The following MTUS2 variants were observed in gnomAD, a reference collection of about 807,000 sequenced individuals.
MTUS2 encodes microtubule associated scaffold protein 2, also known as microtubule-associated tumor suppressor candidate 2.
A neutral mutation model predicts 114.1 loss-of-function variants in MTUS2; 40 were observed. The observed-to-expected ratio is 0.35, with a 90% confidence interval of 0.27 to 0.46. The LOEUF is 0.46. MTUS2 is among the 20% of genes least tolerant of loss of function. The probability of loss-of-function intolerance (pLI) is 1.00; values close to 1 mark genes in which losing one functional copy is unlikely to be tolerated. For synonymous variants in MTUS2, 688 were observed against 672.0 expected (o/e 1.02, Z -0.37); for missense variants, 1,679 against 1,705.4 (o/e 0.98, Z 0.27).
At chr13:29,035,915 T>C (rs914744784) in intron 4 of MTUS2, among the ~76,000 whole-genome samples, 1 of 151,650 alleles carries the variant, frequency 6.6e-6, no homozygotes, top group African/African-American at 2.4e-5. Context: ...GAGACTGAGG[T>C]GGACGGATCG....
At chr13:28,967,957 C>T (rs1038913901) in intron 2 of MTUS2, among the ~76,000 whole-genome samples, 2 of 152,176 alleles carry the variant, frequency 1.3e-5, no homozygotes, top group East Asian at 1.9e-4. Flanking sequence ...ATTTCAATAG[C>T]GTTTATTTTT....
intron 6 of MTUS2, among the ~76,000 whole-genome samples, chr13:29,282,587 T>C (rs947524255): frequency 4.6e-5 from 7 of 152,350 alleles, no homozygotes; most frequent in African/African-American, 1.7e-4. Context: ...GGGATGTTTG[T>C]GTATCTTGTT....
At chr13:29,268,615 C>T (rs1317133140) in intron 5 of MTUS2, among the ~76,000 whole-genome samples, 3 of 152,178 alleles carry the variant, frequency 2.0e-5, no homozygotes, top group African/African-American at 7.2e-5. Context: ...CCACAGCCCT[C>T]CATGGTGAGG....
intron 5 of MTUS2, among the ~76,000 whole-genome samples, chr13:29,127,370 A>G (rs966393029): frequency 2.0e-5 from 3 of 152,144 alleles, no homozygotes; most frequent in South Asian, 2.1e-4. Context: ...GTGAATCTAG[A>G]TGTTACCATG....
intron 7 of MTUS2, among the ~76,000 whole-genome samples, chr13:29,343,524 G>C (rs1002391814): frequency 2.0e-5 from 3 of 151,840 alleles, no homozygotes; most frequent in African/African-American, 7.3e-5. Context: ...TTCTAATCAG[G>C]TTTATTTGGA....
intron 8 of MTUS2, among the ~76,000 whole-genome samples, chr13:29,386,785 A>G (rs1872656884): frequency 6.6e-6 from 1 of 152,154 alleles, no homozygotes; most frequent in African/African-American, 2.4e-5. Context: ...TCTAAATAGC[A>G]GAGATTTTAG....
At chr13:28,927,668 T>G (rs73161855) in intron 2 of MTUS2, among the ~76,000 whole-genome samples, 12,777 of 152,232 alleles carry the variant, frequency 0.084, 604 homozygotes, top group South Asian at 0.13. Flanking sequence ...TAAGTAGAGA[T>G]AAAATTATTT....
intron 8 of MTUS2, among the ~76,000 whole-genome samples, chr13:29,411,983 G>T (rs1377987044): frequency 6.6e-6 from 1 of 152,074 alleles, no homozygotes; most frequent in Non-Finnish European, 1.5e-5. Flanking sequence ...ATTCACTGTT[G>T]ATTTTGTAGG....
intron 5 of MTUS2, among the ~76,000 whole-genome samples, chr13:29,108,646 T>C (rs1890764017): frequency 6.6e-6 from 1 of 152,168 alleles, no homozygotes; most frequent in Admixed American, 6.5e-5. Context: ...GACAGGATTA[T>C]GCACATAAAG....
chr13:29,479,245 C>T (rs1277106955), intron 9 of MTUS2, among the ~76,000 whole-genome samples: 8 of 152,154 alleles, frequency 5.3e-5, no homozygotes, highest in South Asian at 4.1e-4. Flanking sequence ...CTGTGTAGCT[C>T]GGCATTTGCA....
chr13:29,097,588 A>G (rs1890231812), intron 4 of MTUS2, among the ~76,000 whole-genome samples: 1 of 152,236 alleles, frequency 6.6e-6, no homozygotes, highest in Non-Finnish European at 1.5e-5. Context: ...GCCGTATAAC[A>G]AAGTACCATA....
intron 2 of MTUS2, among the ~76,000 whole-genome samples, chr13:28,898,538 C>T (rs532512628): frequency 4.6e-5 from 7 of 152,272 alleles, no homozygotes; most frequent in African/African-American, 1.4e-4. Context: ...TGATGAACTA[C>T]CGTATCCCTG....
chr13:29,488,531 C>T (rs1299393826), intron 11 of MTUS2, among the ~76,000 whole-genome samples: 1 of 149,164 alleles, frequency 6.7e-6, no homozygotes, highest in Non-Finnish European at 1.5e-5. Flanking sequence ...ACTTCTGCCT[C>T]CTGGGTTCAA....
At chr13:29,339,349 G>C (rs1218371638) in intron 7 of MTUS2, among the ~76,000 whole-genome samples, 1 of 152,164 alleles carries the variant, frequency 6.6e-6, no homozygotes, top group Non-Finnish European at 1.5e-5. Flanking sequence ...CATGTCTCCT[G>C]ATGGGCTTGA....
At chr13:28,830,892 A>C (rs967314330) in intron 1 of MTUS2, among the ~76,000 whole-genome samples, 1 of 152,212 alleles carries the variant, frequency 6.6e-6, no homozygotes, top group Non-Finnish European at 1.5e-5. Context: ...AAGACAAAAA[A>C]ACTGTCAATC....
At chr13:29,296,197 T>TTTTG (rs59082438) in intron 6 of MTUS2, among the ~76,000 whole-genome samples, 3,636 of 148,950 alleles carry the variant, frequency 0.024, 71 homozygotes, top group Non-Finnish European at 0.036. Flanking sequence ...ATTTTTAGGT[T>TTTTG]TTTGTTTGTT....
chr13:29,455,681 G>A (rs1986717), intron 9 of MTUS2, among the ~76,000 whole-genome samples: 10,744 of 152,188 alleles, frequency 0.071, 448 homozygotes, highest in African/African-American at 0.11. Flanking sequence ...AAAGTAGTCA[G>A]TAGAAATGGG....
In MTUS2 at chr13:29,290,312, G is replaced by A. The variant is rs886686953; in HGVS notation, c.2806+8447G>A. Among the ~76,000 whole-genome samples the A allele has an allele frequency of 2.0e-5, 3 of 151,806 alleles. No individual in the cohort carries two copies. The East Asian group carries it at 5.8e-4, about 29-fold the overall frequency. ...CCCTTTCCTGTAAGTGTCTCTGCTA[G>A]GAACATCTGTTTTTGTTTGTTTGTT... On this transcript the variant is annotated intron_variant, in intron 6 of 15. Transcript: ENST00000612955.
chr13:29,190,392 C>CG (rs1419218648), intron 5 of MTUS2, among the ~76,000 whole-genome samples: 1 of 152,214 alleles, frequency 6.6e-6, no homozygotes, highest in African/African-American at 2.4e-5. Context: ...AAGACACCTG[C>CG]CCACATTTAT....
Sources: allele counts gnomAD v4.1 joint callset (sites outside exome capture counted in the v4.1 genomes callset), GRCh38; gene constraint gnomAD v4.1.1; transcripts MANE v1.5; gene names NCBI Gene and HGNC (gene_info 2026-07-23, HGNC 2026-07-21).